PCDHA6: variants seen among roughly 807,000 people sequenced by gnomAD.
The protein encoded by PCDHA6 is protocadherin alpha 6, also known as protocadherin alpha-6.
In PCDHA6, 55 loss-of-function variants were observed where a neutral mutation model predicts 60.3. That is an observed-to-expected ratio of 0.91 (90% CI 0.73 to 1.14). PCDHA6 has a LOEUF of 1.14. Among genes scored for constraint, PCDHA6 ranks in the 50% most tolerant of loss-of-function variants. The probability of loss-of-function intolerance (pLI) is 0.00; values close to 1 mark genes in which losing one functional copy is unlikely to be tolerated. For synonymous variants in PCDHA6, 652 were observed against 557.9 expected (o/e 1.17, Z -2.38); for missense variants, 1,327 against 1,256.5 (o/e 1.06, Z -0.85).
intron 1 of PCDHA6, among the ~76,000 whole-genome samples, chr5:140,901,191 C>A (rs2153472732): frequency 6.6e-6 from 1 of 152,084 alleles, no homozygotes; most frequent in Non-Finnish European, 1.5e-5. Context: ...GTTTGCTTTT[C>A]TGTGCAGAAG....
At chr5:140,948,735 A>C (rs756182090) in intron 1 of PCDHA6, among the ~76,000 whole-genome samples, 3 of 151,562 alleles carry the variant, frequency 2.0e-5, no homozygotes, top group Non-Finnish European at 4.4e-5. Flanking sequence ...AGTCTAGCTG[A>C]GAATTTATCA....
intron 1 of PCDHA6, chr5:140,858,161 G>A (rs1409243603): frequency 1.3e-6 from 2 of 1,597,720 alleles, no homozygotes; most frequent in African/African-American, 2.7e-5. Context: ...CATCTGCGCG[G>A]TGTCCAGCTT....
In PCDHA6 at chr5:140,848,506, C is replaced by G. The variant is rs1229499943; in HGVS notation, c.2394+18021C>G. 13 of 1,588,314 alleles carry G rather than the reference C, an allele frequency of 8.2e-6. 2 individuals carry two copies. The highest frequency in any genetic ancestry group is 1.3e-5 in the African/African-American group (1 of 74,152). On this transcript the variant is annotated intron_variant, in intron 1 of 3. Transcript: ENST00000529310. ...GACTGAGTATTTGAAATGTTATACT[C>G]AAGTCGAGGAGATCCAGAGGGTCAG...
intron 1 of PCDHA6, among the ~76,000 whole-genome samples, chr5:140,846,117 T>C (rs1780205131): frequency 6.7e-6 from 1 of 149,668 alleles, no homozygotes; most frequent in African/African-American, 2.4e-5. Flanking sequence ...CTATCTTACT[T>C]TGATAGTTGT....
chr5:140,955,452 G>A (rs921510611), intron 1 of PCDHA6, among the ~76,000 whole-genome samples: 1 of 152,024 alleles, frequency 6.6e-6, no homozygotes, highest in African/African-American at 2.4e-5. Flanking sequence ...TTTTATAAGG[G>A]CTTTTTCCTT....
At chr5:140,876,916 G>A (rs2056692894) in intron 1 of PCDHA6, 3 of 1,613,960 alleles carry the variant, frequency 1.9e-6, no homozygotes, top group Non-Finnish European at 2.5e-6. Flanking sequence ...GGCATGGGAC[G>A]CGGACGCGCA....
At chr5:140,936,849 G>A (rs927747848) in intron 1 of PCDHA6, among the ~76,000 whole-genome samples, 1 of 152,006 alleles carries the variant, frequency 6.6e-6, no homozygotes, top group Non-Finnish European at 1.5e-5. Context: ...TGTAGATTCA[G>A]CTTCTCAGTT....
chr5:141,009,771 T>A lies in PCDHA6; in HGVS notation c.2687T>A (p.Ile896Asn). The change falls in exon 4 of 4, where the codon ATC (isoleucine) becomes AAC (asparagine). Residue 896 changes from isoleucine (I) to asparagine (N), a missense_variant. Transcript: ENST00000529310. The part of the protein sequence containing the change: ...DKFIIPGSPA[I>N]ISIRQEPTNS... ...TTCATTATCCCAGGATCTCCTGCAA[T>A]CATCTCCATCCGGCAGGAGCCTACT... 3 of 1,614,082 alleles carry A rather than the reference T, an allele frequency of 1.9e-6. No homozygotes were observed. Among genetic ancestry groups the A allele is most frequent in the Non-Finnish European group, 2.5e-6 (3 of 1,180,020 alleles).
At position 140,992,017 on chromosome 5, in the gene PCDHA6, CTGTGTGTG is replaced by C. The variant is rs10602499; in HGVS notation, c.2542+9484_2542+9491del. On this transcript the variant is annotated intron_variant, in intron 3 of 3. Coordinates refer to ENST00000529310, the MANE Select transcript of PCDHA6 (RefSeq NM_018909.4). ...CTTTCATGTTCAGGCAGAGGTGGCT[CTGTGTGTG>C]TGTGTGTGTGTGTGTGTGTGTGTGT... Among the ~76,000 whole-genome samples the C allele has an allele frequency of 9.8e-4, 142 of 145,616 alleles. No homozygotes were observed. The East Asian group carries it at 1.0e-2, about 10-fold the overall frequency.
chr5:140,862,838 T>A (rs555167030), intron 1 of PCDHA6: 1 of 575,064 alleles, frequency 1.7e-6, no homozygotes, highest in South Asian at 1.4e-5. Flanking sequence ...GACGCGGGCA[T>A]GCCGCCTCTG....
chr5:140,900,799 G>T (rs797036955), intron 1 of PCDHA6, among the ~76,000 whole-genome samples: 1 of 152,138 alleles, frequency 6.6e-6, no homozygotes, highest in East Asian at 1.9e-4. Context: ...GTTCTCCATA[G>T]TGCTTGTACT....
chr5:140,950,919 T>TCCACA (rs1554219687), intron 1 of PCDHA6, among the ~76,000 whole-genome samples: 4 of 152,198 alleles, frequency 2.6e-5, no homozygotes, highest in African/African-American at 9.6e-5. Context: ...TTTATTTCAG[T>TCCACA]TCTTTTTCTT....
chr5:140,834,509 C>T (rs1773064417), intron 1 of PCDHA6: 2 of 1,614,012 alleles, frequency 1.2e-6, no homozygotes, highest in Admixed American at 1.7e-5. Flanking sequence ...CTAAACATGG[C>T]AACTTCGTGG....
chr5:140,957,385 A>G (rs1166781130), intron 1 of PCDHA6, among the ~76,000 whole-genome samples: 1 of 152,192 alleles, frequency 6.6e-6, no homozygotes, highest in Non-Finnish European at 1.5e-5. Flanking sequence ...GTGTATTGTT[A>G]TAATTGTCCT....
chr5:140,871,873 A>G (rs529401892), intron 1 of PCDHA6, among the ~76,000 whole-genome samples: 44 of 152,336 alleles, frequency 2.9e-4, no homozygotes, highest in African/African-American at 1.0e-3. Flanking sequence ...GATTATTTAA[A>G]TTTGCTCCTC....
chr5:140,880,385 A>T (rs191215782), intron 1 of PCDHA6, among the ~76,000 whole-genome samples: 86 of 152,346 alleles, frequency 5.6e-4, no homozygotes, highest in African/African-American at 2.1e-3. Context: ...ATAGAAAATA[A>T]TTTTTAAGAG....
chr5:140,883,702 T>G (rs367854871), intron 1 of PCDHA6: 3 of 1,613,750 alleles, frequency 1.9e-6, no homozygotes, highest in Non-Finnish European at 2.5e-6. Flanking sequence ...TCACGGTGTC[T>G]GCTCAGGACG....
chr5:140,868,857 T>A (rs2050685848), intron 1 of PCDHA6: 1 of 499,740 alleles, frequency 2.0e-6, no homozygotes, highest in Admixed American at 3.8e-5. Context: ...TCTGTGGTGG[T>A]AAATGCAGTG....
rs187904552 is a variant in PCDHA6 at position 140,875,781 on chromosome 5, T to C, written c.2394+45296T>C. ...TGTGCGGGCGGAGCGCGGAGTGCAGTATCCACCTGGAGGTGATCGTGGACA... is the reference window on the plus strand; with the variant it reads ...TGTGCGGGCGGAGCGCGGAGTGCAGCATCCACCTGGAGGTGATCGTGGACA... On this transcript the variant is annotated intron_variant, in intron 1 of 3. Coordinates refer to ENST00000529310, the MANE Select transcript of PCDHA6 (RefSeq NM_018909.4). 4.7e-3 allele frequency: 7,631 copies of C among 1,614,134 alleles called. 28 individuals carry two copies. Among genetic ancestry groups the C allele is most frequent in the Middle Eastern group, 6.4e-3 (39 of 6,062 alleles).
Sources: allele counts gnomAD v4.1 joint callset (sites outside exome capture counted in the v4.1 genomes callset), GRCh38; gene constraint gnomAD v4.1.1; transcripts MANE v1.5; gene names NCBI Gene and HGNC (gene_info 2026-07-23, HGNC 2026-07-21).